The following DTWD2 variants were observed in gnomAD, a reference collection of about 807,000 sequenced individuals.
DTWD2 encodes tRNA-uridine aminocarboxypropyltransferase 2.
DTWD2 carries 39 observed loss-of-function variants against 31.8 expected under a neutral mutation model. The ratio of observed to expected loss-of-function variants is 1.22; its 90% CI spans 0.95 to 1.60. DTWD2 has a LOEUF of 1.60. Among genes scored for constraint, DTWD2 ranks in the 40% most tolerant of loss-of-function variants. The pLI is 0.00. For synonymous variants in DTWD2, 180 were observed against 142.8 expected (o/e 1.26, Z -1.86); for missense variants, 515 against 381.5 (o/e 1.35, Z -2.92).
rs35541408 is a variant in DTWD2 at position 118,851,218 on chromosome 5, CAAAAA to C, written c.598-3005_598-3001del. ...TGGGCAAAAGAGTGAGACCCTATCTCAAAAAAAAAAAAAAAAAAAAGAAAGAAAAA... is the reference window on the plus strand; with the variant it reads ...TGGGCAAAAGAGTGAGACCCTATCTCAAAAAAAAAAAAAAAGAAAGAAAAA... On this transcript the variant is annotated intron_variant, in intron 4 of 5. Coordinates refer to ENST00000510708, the MANE Select transcript of DTWD2 (RefSeq NM_173666.4). Among the ~76,000 whole-genome samples, 379 of 81,956 alleles carry C rather than the reference CAAAAA, an allele frequency of 4.6e-3. 2 individuals are homozygous for C. Among genetic ancestry groups the C allele is most frequent in the African/African-American group, 0.016 (322 of 19,610 alleles). 53.8% of individuals were successfully genotyped at this position (81,956 alleles called of 152,430 possible). A position where few individuals can be genotyped will look rare whatever the true frequency, so the allele number is the denominator to read the frequency against.
At chr5:118,944,450 C>T (rs1754286524) in intron 2 of DTWD2, 109 bp downstream of exon 2, 1 of 1,151,704 alleles carries the variant, frequency 8.7e-7, no homozygotes, top group African/African-American at 1.6e-5. Flanking sequence ...TTATCACCAA[C>T]TTCTTTTCAG....
intron 4 of DTWD2, among the ~76,000 whole-genome samples, chr5:118,881,385 C>G (rs77154824): frequency 6.6e-6 from 1 of 152,058 alleles, no homozygotes; most frequent in South Asian, 2.1e-4. Flanking sequence ...AAAGTTCATA[C>G]GCCTAAGAAA....
intron 4 of DTWD2, among the ~76,000 whole-genome samples, chr5:118,854,729 T>C (rs1302943501): frequency 2.0e-5 from 3 of 152,002 alleles, no homozygotes; most frequent in Admixed American, 1.3e-4. Flanking sequence ...ACTCAAGAAA[T>C]AGGTATAAAC....
chr5:118,928,860 T>A, intron 3 of DTWD2, 131 bp from the exon 4 acceptor site: 1 of 738,892 alleles, frequency 1.4e-6, no homozygotes, highest in Non-Finnish European at 2.0e-6. Context: ...AGTATTAGTT[T>A]ATAAAGTATG....
chr5:118,840,883 A>G lies in DTWD2; in HGVS notation c.*34T>C. On this transcript the variant is annotated 3_prime_UTR_variant, in exon 6 of 6. Transcript: ENST00000510708. ...AACTTAATTTGGTATTGTTAGATGA[A>G]GACAGTTAAGCTAGCACCAAAAGAA... 1 of 1,596,124 alleles carries G rather than the reference A, an allele frequency of 6.3e-7. No individual in the cohort carries two copies. The highest frequency in any genetic ancestry group is 8.5e-7 in the Non-Finnish European group (1 of 1,171,302).
intron 1 of DTWD2, among the ~76,000 whole-genome samples, chr5:118,960,858 G>C (rs1214274495): frequency 6.6e-6 from 1 of 152,118 alleles, no homozygotes; most frequent in African/African-American, 2.4e-5. Context: ...TCACTTATCA[G>C]TGGGAGCTAA....
At chr5:118,968,222 G>A (rs1395913907) in intron 1 of DTWD2, among the ~76,000 whole-genome samples, 1 of 150,772 alleles carries the variant, frequency 6.6e-6, no homozygotes, top group African/African-American at 2.4e-5. Flanking sequence ...AAAAACCTAA[G>A]GAATCATCAC....
chr5:118,976,440 T>C (rs1317676806), intron 1 of DTWD2, among the ~76,000 whole-genome samples: 1 of 151,936 alleles, frequency 6.6e-6, no homozygotes, highest in African/African-American at 2.4e-5. Context: ...GATAGACTGC[T>C]AGCCAGACTA....
intron 4 of DTWD2, among the ~76,000 whole-genome samples, chr5:118,867,765 T>C (rs887774670): frequency 2.0e-4 from 31 of 152,200 alleles, no homozygotes; most frequent in African/African-American, 7.0e-4. Flanking sequence ...TGAAAGAAAT[T>C]AACGAAGACA....
intron 4 of DTWD2, among the ~76,000 whole-genome samples, chr5:118,882,566 T>C (rs540711440): frequency 2.0e-5 from 3 of 152,382 alleles, no homozygotes; most frequent in Admixed American, 1.3e-4. Flanking sequence ...AGCAGACTTC[T>C]GCCTGTACAT....
intron 1 of DTWD2, chr5:118,974,186 C>A: frequency 1.4e-6 from 2 of 1,413,242 alleles, no homozygotes; most frequent in African/African-American, 2.9e-5. Flanking sequence ...TCACCCTCCA[C>A]TTCCCGTCTC....
chr5:118,961,672 T>C (rs1001040397), intron 1 of DTWD2, among the ~76,000 whole-genome samples: 9 of 152,210 alleles, frequency 5.9e-5, no homozygotes, highest in African/African-American at 2.2e-4. Flanking sequence ...AAAGTAAAGA[T>C]ATTCTGCATA....
In DTWD2 at chr5:118,981,422, G is replaced by A. The variant is rs546436297; in HGVS notation, c.218+6872C>T. On this transcript the variant is annotated intron_variant, in intron 1 of 5. Coordinates refer to ENST00000510708, the MANE Select transcript of DTWD2 (RefSeq NM_173666.4). ...ATAACTTGTCTACATAAACAGATCA[G>A]AGACATTTCTATCAGGTCAATTTCT... 1.0e-3 allele frequency among the ~76,000 whole-genome samples: 159 copies of A among 152,212 alleles called. 1 individual carries two copies. Among genetic ancestry groups the A allele is most frequent in the Non-Finnish European group, 1.7e-3 (114 of 68,004 alleles).
chr5:118,917,647 G>T (rs951651544), intron 4 of DTWD2, among the ~76,000 whole-genome samples: 2 of 152,174 alleles, frequency 1.3e-5, no homozygotes, highest in Admixed American at 1.3e-4. Context: ...AGAAAGAAGT[G>T]CCAAGCAAAG....
At chr5:118,937,114 T>C (rs911869829) in intron 3 of DTWD2, among the ~76,000 whole-genome samples, 1 of 152,118 alleles carries the variant, frequency 6.6e-6, no homozygotes, top group African/African-American at 2.4e-5. Context: ...CAAATTATAA[T>C]ATGACCAGGT....
At chr5:118,965,297 T>A (rs984369376) in intron 1 of DTWD2, among the ~76,000 whole-genome samples, 17 of 149,706 alleles carry the variant, frequency 1.1e-4, no homozygotes, top group African/African-American at 4.0e-4. Flanking sequence ...AGCCTCCCCG[T>A]CCGGGAGGTG....
intron 3 of DTWD2, among the ~76,000 whole-genome samples, chr5:118,935,782 C>G (rs921675539): frequency 6.6e-6 from 1 of 151,960 alleles, no homozygotes; most frequent in Non-Finnish European, 1.5e-5. Flanking sequence ...TAAACAAATC[C>G]CTAATCATAG....
At chr5:118,926,709 G>A (rs1407336916) in intron 4 of DTWD2, among the ~76,000 whole-genome samples, 1 of 151,856 alleles carries the variant, frequency 6.6e-6, no homozygotes, top group Non-Finnish European at 1.5e-5. Context: ...AAAAGAAAGT[G>A]ATTTTTTTTT....
intron 2 of DTWD2, among the ~76,000 whole-genome samples, chr5:118,942,524 A>T (rs1371497392): frequency 6.6e-6 from 1 of 151,986 alleles, no homozygotes; most frequent in Non-Finnish European, 1.5e-5. Context: ...CATTAAAAAA[A>T]AAAGGCCAAG....
Sources: allele counts gnomAD v4.1 joint callset (sites outside exome capture counted in the v4.1 genomes callset), GRCh38; gene constraint gnomAD v4.1.1; transcripts MANE v1.5; gene names NCBI Gene and HGNC (gene_info 2026-07-23, HGNC 2026-07-21).